The following NKAIN3 variants were observed in gnomAD, a reference collection of about 807,000 sequenced individuals.
NKAIN3 encodes sodium/potassium-transporting ATPase subunit beta-1-interacting protein 3.
In NKAIN3, 25 loss-of-function variants were observed where a neutral mutation model predicts 30.2. That is an observed-to-expected ratio of 0.83 (90% CI 0.60 to 1.16). NKAIN3 has a LOEUF of 1.16. Among genes scored for constraint, NKAIN3 ranks in the 50% most tolerant of loss-of-function variants. The probability of loss-of-function intolerance (pLI) is 0.00; values close to 1 mark genes in which losing one functional copy is unlikely to be tolerated. For synonymous variants in NKAIN3, 91 were observed against 89.6 expected, an observed-to-expected ratio of 1.02 and a Z score of -0.09; for missense variants, 225 against 254.1, an observed-to-expected ratio of 0.89 and a Z score of 0.78.
intron 1 of NKAIN3, among the ~76,000 whole-genome samples, chr8:62,341,724 A>C (rs1322721890): frequency 6.6e-6 from 1 of 151,980 alleles, no homozygotes; most frequent in East Asian, 1.9e-4. Context: ...AGAAAAAAAA[A>C]CAAAACAAGC....
intron 5 of NKAIN3, among the ~76,000 whole-genome samples, chr8:62,941,624 G>T (rs1161143101): frequency 6.6e-6 from 1 of 152,080 alleles, no homozygotes; most frequent in East Asian, 1.9e-4. Flanking sequence ...CAATAAATGT[G>T]ATACACCACA....
At chr8:62,286,621 G>C (rs1813387470) in intron 1 of NKAIN3, among the ~76,000 whole-genome samples, 1 of 152,074 alleles carries the variant, frequency 6.6e-6, no homozygotes, top group Admixed American at 6.6e-5. Context: ...CAATCAGTTT[G>C]TGATTCCTTA....
chr8:62,620,814 A>C (rs1324893475), intron 3 of NKAIN3, among the ~76,000 whole-genome samples: 1 of 152,204 alleles, frequency 6.6e-6, no homozygotes, highest in East Asian at 1.9e-4. Context: ...GGAAAGGCTG[A>C]CATTTCCCAA....
At chr8:62,409,138 C>T (rs553507194) in intron 1 of NKAIN3, among the ~76,000 whole-genome samples, 79 of 151,392 alleles carry the variant, frequency 5.2e-4, no homozygotes, top group African/African-American at 1.2e-3. Context: ...ATTTTTGTCA[C>T]GGAAGTGTTT....
Position 62,972,978 on chromosome 8 carries a change from T to C in NKAIN3, c.*7571T>C, listed in dbSNP as rs1455146173. ...CTGAGAATGATGGTTTCCAGCTTCA[T>C]CCATGTCCCTGCAAAGGACATTAAC... On this transcript the variant is annotated 3_prime_UTR_variant, in exon 7 of 7. Coordinates refer to ENST00000623646, the MANE Select transcript of NKAIN3 (RefSeq NM_001304533.3). Among the ~76,000 whole-genome samples, 1 of 152,010 alleles carries C rather than the reference T, an allele frequency of 6.6e-6. No individual in the cohort carries two copies. Among genetic ancestry groups the C allele is most frequent in the Non-Finnish European group, 1.5e-5 (1 of 68,024 alleles).
At chr8:62,914,674 A>G (rs1460912049) in intron 4 of NKAIN3, among the ~76,000 whole-genome samples, 1 of 151,728 alleles carries the variant, frequency 6.6e-6, no homozygotes, top group Admixed American at 6.6e-5. Context: ...CTTGTCAAAT[A>G]TTCCTCTCAT....
chr8:62,548,614 A>C (rs892613892), intron 1 of NKAIN3, among the ~76,000 whole-genome samples: 1 of 152,322 alleles, frequency 6.6e-6, no homozygotes, highest in Middle Eastern at 3.4e-3. Flanking sequence ...AAATTATGGC[A>C]CGTCAAACCA....
At chr8:62,741,402 GGAAGGAAGGAAGGAAGGAAGGCAGGCAA>G (rs1815875847) in intron 3 of NKAIN3, among the ~76,000 whole-genome samples, 1 of 146,936 alleles carries the variant, frequency 6.8e-6, no homozygotes, top group African/African-American at 2.7e-5. Context: ...AAGGAAGGAA[GGAAGGAAGGAAGGAAGGAAGGCAGGCAA>G]GCAAGCAAGC....
intron 1 of NKAIN3, among the ~76,000 whole-genome samples, chr8:62,321,523 C>G (rs1005695785): frequency 6.6e-6 from 1 of 152,136 alleles, no homozygotes; most frequent in African/African-American, 2.4e-5. Flanking sequence ...GATGTCCTTT[C>G]TGTTTGTTAG....
intron 1 of NKAIN3, among the ~76,000 whole-genome samples, chr8:62,353,229 C>T (rs73684972): frequency 0.04 from 6,089 of 152,198 alleles, 428 homozygotes; most frequent in African/African-American, 0.14. Context: ...AAAAAATAAG[C>T]CAACTCTAAG....
chr8:62,434,748 T>C (rs944864287), intron 1 of NKAIN3, among the ~76,000 whole-genome samples: 14 of 152,192 alleles, frequency 9.2e-5, no homozygotes, highest in African/African-American at 3.4e-4. Flanking sequence ...ATGTTTGTGA[T>C]TTGAAAAAAA....
intron 1 of NKAIN3, among the ~76,000 whole-genome samples, chr8:62,461,342 A>G (rs2198220): frequency 0.33 from 50,357 of 152,120 alleles, 9,621 homozygotes; most frequent in South Asian, 0.45. Context: ...ATAACTGCAA[A>G]CCCTGGGTAA....
At chr8:62,941,618 A>G (rs1162599571) in intron 5 of NKAIN3, among the ~76,000 whole-genome samples, 1 of 152,210 alleles carries the variant, frequency 6.6e-6, no homozygotes, top group East Asian at 1.9e-4. Context: ...GCAAGTCAAT[A>G]AATGTGATAC....
At chr8:62,926,346 C>T (rs1182656729) in intron 5 of NKAIN3, among the ~76,000 whole-genome samples, 11 of 152,298 alleles carry the variant, frequency 7.2e-5, no homozygotes, top group South Asian at 6.2e-4. Flanking sequence ...CCCTTCTCAA[C>T]GGTCTCACAA....
intron 1 of NKAIN3, among the ~76,000 whole-genome samples, chr8:62,382,037 C>T (rs1186181090): frequency 6.6e-6 from 1 of 152,070 alleles, no homozygotes; most frequent in Non-Finnish European, 1.5e-5. Flanking sequence ...ACAGCCCATC[C>T]TTGAGCAACC....
At chr8:62,697,010 C>CT (rs1334960744) in intron 3 of NKAIN3, among the ~76,000 whole-genome samples, 1 of 152,094 alleles carries the variant, frequency 6.6e-6, no homozygotes, top group African/African-American at 2.4e-5. Context: ...AAATTGCTTC[C>CT]TTTTTGCAGG....
At chr8:62,345,392 CACATATACACATATATGT>C (rs1483122685) in intron 1 of NKAIN3, among the ~76,000 whole-genome samples, 1,045 of 17,314 alleles carry the variant, frequency 0.06, 20 homozygotes, top group Non-Finnish European at 0.14. Flanking sequence ...TATATATACA[CACATATACACATATATGT>C]ATATATACAC....
intron 4 of NKAIN3, among the ~76,000 whole-genome samples, chr8:62,853,356 G>A (rs551665703): frequency 6.6e-5 from 10 of 152,206 alleles, no homozygotes; most frequent in South Asian, 2.1e-4. Flanking sequence ...GTCTCTGCAC[G>A]TGAGATGGGT....
At chr8:62,678,023 A>G (rs746417957) in intron 3 of NKAIN3, among the ~76,000 whole-genome samples, 2 of 152,214 alleles carry the variant, frequency 1.3e-5, no homozygotes, top group Non-Finnish European at 2.9e-5. Flanking sequence ...TAACACACTC[A>G]GTAATATTTC....
Sources: allele counts gnomAD v4.1 joint callset (sites outside exome capture counted in the v4.1 genomes callset), GRCh38; gene constraint gnomAD v4.1.1; transcripts MANE v1.5; gene names NCBI Gene and HGNC (gene_info 2026-07-23, HGNC 2026-07-21).